The following TTN variants were observed in gnomAD, a reference collection of about 807,000 sequenced individuals.
TTN encodes connectin.
In TTN, 1,525 loss-of-function variants were observed where a neutral mutation model predicts 3,223.0. The ratio of observed to expected loss-of-function variants is 0.47; its 90% CI spans 0.45 to 0.49. TTN has a LOEUF of 0.49. Among genes scored for constraint, TTN ranks in the 20% least tolerant of loss-of-function variants. The pLI is 0.00. For missense variants in TTN, 40,786 were observed against 43,424.0 expected (o/e 0.94, Z 5.40); for synonymous variants, 14,094 against 15,161.0 (o/e 0.93, Z 5.17).
chr2:178,548,707 A>G lies in TTN; in HGVS notation c.92919T>C (p.His30973=), dbSNP rs765351582. 1.9e-6 allele frequency: 3 copies of G among 1,613,858 alleles called. No individual in the cohort carries two copies. Among genetic ancestry groups the G allele is most frequent in the Non-Finnish European group, 8.5e-7 (1 of 1,179,804 alleles). ...TGAGGGTGCTGAAGGAATCTGTTGT[A>G]TGGATATCAGCCCGAAGGCTAAGGT... ...DSNLSLRADI[H]TTDSFSTLTV... Residue 30973 remains histidine, a synonymous_variant, in exon 339 of 363, where the codon CAT becomes CAC. Transcript: ENST00000589042. The surrounding 1 kb of genome is among the most constrained non-coding windows in gnomAD (Gnocchi z 4.3).
chr2:178,634,342 C>G lies in TTN; in HGVS notation c.42415+24G>C. On this transcript the variant is annotated intron_variant, in intron 230 of 362. Transcript: ENST00000589042. The surrounding 1 kb of genome is among the most constrained non-coding windows in gnomAD (Gnocchi z 4.6). ...ATATTTGCATGCCTTTATGGGATGTCACAGATCTCATTAGCTCGCTTACCT... is the reference window on the plus strand; with the variant it reads ...ATATTTGCATGCCTTTATGGGATGTGACAGATCTCATTAGCTCGCTTACCT... 1 of 1,588,170 alleles carries G rather than the reference C, an allele frequency of 6.3e-7. No homozygotes were observed. Among genetic ancestry groups the G allele is most frequent in the Non-Finnish European group, 8.5e-7 (1 of 1,173,818 alleles).
Position 178,553,591 on chromosome 2 carries a change from T to C in TTN, c.89414A>G (p.Asn29805Ser), listed in dbSNP as rs369285180. 1.0e-4 allele frequency: 168 copies of C among 1,613,800 alleles called. No homozygotes were observed. The highest frequency in any genetic ancestry group is 1.4e-4 in the Non-Finnish European group (164 of 1,179,818). ...YVVSNLKPGV[N>S]YYFRVSAVNC... ...TACAGCAGATACCCGGAAGTAGTAA[T>C]TGACTCCAGGTTTCAGGTTGGATAC... Residue 29805 changes from asparagine (N) to serine (S), a missense_variant, in exon 334 of 363, where the codon AAT becomes AGT. Physicochemically the swap from Asn to Ser is conservative, Grantham distance 46 (BLOSUM62 1). Transcript: ENST00000589042.
Position 178,734,353 on chromosome 2 carries a change from G to T in TTN, c.15471C>A (p.Gly5157=). ...CTTTGAGTAAGTGGGTTGCCATGCA[G>T]CCACACTTGCCGACTTCATTAGCAA... ...CVVANEVGKC[G]CMATHLLKEP... is the part of the protein sequence containing the mutation. Residue 5157 remains glycine, a synonymous_variant, in exon 52 of 363, where the codon GGC becomes GGA. Coordinates refer to ENST00000589042, the MANE Select transcript of TTN (RefSeq NM_001267550.2). 1 of 1,603,162 alleles carries T rather than the reference G, an allele frequency of 6.2e-7. No individual in the cohort carries two copies.
Position 178,705,218 on chromosome 2 carries a change from A to G in TTN, c.29560T>C (p.Phe9854Leu). 1 of 1,613,788 alleles carries G rather than the reference A, an allele frequency of 6.2e-7. No homozygotes were observed. The highest frequency in any genetic ancestry group is 8.5e-7 in the Non-Finnish European group (1 of 1,179,748). ...TCTTGGCTTTGCTTGAGCAGTTCAAATGCTTGAAGAAGACCTCGGAAGTCA... is the reference window on the plus strand; with the variant it reads ...TCTTGGCTTTGCTTGAGCAGTTCAAGTGCTTGAAGAAGACCTCGGAAGTCA... ...ITDFRGLLQA[F>L]ELLKQSQEEE... Residue 9854 changes from phenylalanine (F) to leucine (L), a missense_variant, in exon 103 of 363, where the codon TTT (phenylalanine) becomes CTT (leucine). Transcript: ENST00000589042.
In TTN at chr2:178,618,315, C is replaced by T. The variant is rs764958886; in HGVS notation, c.47143G>A (p.Glu15715Lys). The stretch of plus-strand genomic sequence containing the variant: ...TTCTGTAGACCAGTGACAGTAAACT[C>T]ACAACTCTCTGCACGGTCTGTGGCC... ...VLATDRAESC[E>K]FTVTGLQKGG... The change falls in exon 252 of 363, where the codon GAG becomes AAG. Residue 15715 changes from glutamate to lysine, a missense_variant. Coordinates refer to ENST00000589042, the MANE Select transcript of TTN (RefSeq NM_001267550.2). The T allele has an allele frequency of 2.5e-6, 4 of 1,612,530 alleles. No individual in the cohort carries two copies. Among genetic ancestry groups the T allele is most frequent in the Middle Eastern group, 3.3e-4 (2 of 6,072 alleles).
At position 178,599,152 on chromosome 2, in the gene TTN, G is replaced by T; in HGVS notation, c.56641C>A (p.Leu18881Ile). The T allele has an allele frequency of 6.6e-7, 1 of 1,505,880 alleles. No individual in the cohort carries two copies. Among genetic ancestry groups the T allele is most frequent in the Non-Finnish European group, 8.8e-7 (1 of 1,131,080 alleles). 93.3% of individuals were successfully genotyped at this position (1,505,880 alleles called of 1,614,324 possible). A position where few individuals can be genotyped will look rare whatever the true frequency, so the allele number is the denominator to read the frequency against. Residue 18881 changes from leucine to isoleucine, a missense_variant, in exon 290 of 363, where the codon CTC becomes ATC. Leu to Ile is a conservative substitution (Grantham distance 5). Coordinates refer to ENST00000589042, the MANE Select transcript of TTN (RefSeq NM_001267550.2). ...LDSEPETARN[L>I]FSVPGAPDKP... is the part of the protein sequence containing the mutation. ...AAAATGTTCTCCTACTTACAGAAGA[G>T]GTTTCTTGCTGTTTCAGGTTCACTG...
chr2:178,583,927 C>T (rs1449566126), intron 311 of TTN, 21 bp from the exon 312 acceptor site: 1 of 1,516,024 alleles, frequency 6.6e-7, no homozygotes, highest in Non-Finnish European at 8.9e-7. Flanking sequence ...AAGAGGTACA[C>T]TCACCATTTA....
In TTN at chr2:178,583,764, C is replaced by T. The variant is rs1428029274; in HGVS notation, c.65418G>A (p.Arg21806=). ...ACKLPGDKWV[R]CNTAPHQIPQ... ...GAATCTGGTGAGGTGCAGTATTGCA[C>T]CGTACCCATTTATCACCAGGAAGTT... The change falls in exon 312 of 363, where the codon CGG becomes CGA. Residue 21806 remains arginine (R), a synonymous_variant. Coordinates refer to ENST00000589042, the MANE Select transcript of TTN (RefSeq NM_001267550.2). 1.8e-5 allele frequency: 29 copies of T among 1,611,564 alleles called. No individual in the cohort carries two copies. The highest frequency in any genetic ancestry group is 2.4e-5 in the Non-Finnish European group (28 of 1,178,824).
chr2:178,748,312 ATT>A, intron 47 of TTN: 1 of 1,612,822 alleles, frequency 6.2e-7, no homozygotes, highest in South Asian at 1.1e-5. Flanking sequence ...AAGAAATGGA[ATT>A]TTCATCAATA....
Position 178,634,242 on chromosome 2 carries a change from T to A in TTN, c.42415+124A>T. 1 of 1,485,334 alleles carries A rather than the reference T, an allele frequency of 6.7e-7. No individual in the cohort carries two copies. Among genetic ancestry groups the A allele is most frequent in the African/African-American group, 1.4e-5 (1 of 70,618 alleles). 92.0% of individuals were successfully genotyped at this position (1,485,334 alleles called of 1,614,324 possible). The stretch of plus-strand genomic sequence containing the variant: ...AAAAACAAATTAAGGGGGGTTGTTT[T>A]GGTAACACTGTGAAAGTTAATTAGT... On this transcript the variant is annotated intron_variant, in intron 230 of 362. Transcript: ENST00000589042. The surrounding 1 kb of genome is among the most constrained non-coding windows in gnomAD (Gnocchi z 4.6).
chr2:178,538,640 C>T lies in TTN; in HGVS notation c.99189G>A (p.Leu33063=), dbSNP rs1412611892. 6.2e-7 allele frequency: 1 copy of T among 1,613,610 alleles called. No homozygotes were observed. The highest frequency in any genetic ancestry group is 1.3e-5 in the African/African-American group (1 of 74,916). ...IKDKQFTIGG[L]LEATEYEFRV... Reference sequence around the variant, plus strand: ...TGAATTCATACTCAGTAGCTTCCAGCAAACCTCCTATTGTGAATTGCTTGT... The same window carrying T: ...TGAATTCATACTCAGTAGCTTCCAGTAAACCTCCTATTGTGAATTGCTTGT... Residue 33063 remains leucine (L), a synonymous_variant, in exon 354 of 363, where the codon TTG becomes TTA. Coordinates refer to ENST00000589042, the MANE Select transcript of TTN (RefSeq NM_001267550.2).
Position 178,584,562 on chromosome 2 carries a change from T to C in TTN, c.64989A>G (p.Pro21663=). The C allele has an allele frequency of 6.2e-7, 1 of 1,612,270 alleles. No individual in the cohort carries two copies. The highest frequency in any genetic ancestry group is 8.5e-7 in the Non-Finnish European group (1 of 1,178,820). ...AQFPFGVPSE[P]KNARVTKVNK... ...TGACTTTGGTGACTCGTGCATTCTT[T>C]GGTTCACTAGGAACACCTGGAGATG... The change falls in exon 311 of 363, where the codon CCA becomes CCG. Residue 21663 remains proline (P), a synonymous_variant. Transcript: ENST00000589042.
Position 178,740,449 on chromosome 2 carries a change from T to C in TTN, c.12784A>G (p.Ile4262Val), listed in dbSNP as rs1306126091. ...LQKQEAQSALILSQSLAEGHV... is the reference protein window; with the variant it reads ...LQKQEAQSALVLSQSLAEGHV... ...CCCTCAGCTAAGCTCTGACTCAAGA[T>C]GAGCGCACTTTGTGCCTCTTGCTTT... Residue 4262 changes from isoleucine (I) to valine (V), a missense_variant, in exon 48 of 363, where the codon ATC becomes GTC. Coordinates refer to ENST00000589042, the MANE Select transcript of TTN (RefSeq NM_001267550.2). 2 of 1,613,504 alleles carry C rather than the reference T, an allele frequency of 1.2e-6. No individual in the cohort carries two copies. Among genetic ancestry groups the C allele is most frequent in the Non-Finnish European group, 1.7e-6 (2 of 1,179,738 alleles).
Position 178,705,201 on chromosome 2 carries a change from T to C in TTN, c.29577A>G (p.Gln9859=), listed in dbSNP as rs368780181. Reference sequence around the variant, plus strand: ...GTCTATGTGTCTCTTCTTCTTGGCTTTGCTTGAGCAGTTCAAATGCTTGAA... The same window carrying C: ...GTCTATGTGTCTCTTCTTCTTGGCTCTGCTTGAGCAGTTCAAATGCTTGAA... ...GLLQAFELLK[Q]SQEEETHRLE... Residue 9859 remains glutamine (Q), a synonymous_variant, in exon 103 of 363, where the codon CAA becomes CAG. Transcript: ENST00000589042. 85 of 1,613,390 alleles carry C rather than the reference T, an allele frequency of 5.3e-5. No homozygotes were observed. Among genetic ancestry groups the C allele is most frequent in the African/African-American group, 6.7e-5 (5 of 74,916 alleles).
At position 178,613,945 on chromosome 2, in the gene TTN, C is replaced by T; in HGVS notation, c.49346-8G>A. 3 of 1,607,392 alleles carry T rather than the reference C, an allele frequency of 1.9e-6. No individual in the cohort carries two copies. Among genetic ancestry groups the T allele is most frequent in the East Asian group, 2.2e-5 (1 of 44,658 alleles). On this transcript the variant is annotated splice_polypyrimidine_tract_variant and splice_region_variant and intron_variant, in intron 262 of 362. Coordinates refer to ENST00000589042, the MANE Select transcript of TTN (RefSeq NM_001267550.2). ...TTGGAGGACCAGGTGGATCTATAGA[C>T]AGGATAATGGTGTAAAATGTTATAT... is the stretch of plus-strand genomic sequence containing the variant.
rs376839162 is a variant in TTN at position 178,619,833 on chromosome 2, G to T, written c.46484C>A (p.Ala15495Asp). The change falls in exon 250 of 363, where the codon GCT becomes GAT. Residue 15495 changes from alanine to aspartate, a missense_variant. Transcript: ENST00000589042. ...GAGTTCTGCTAAAAAGACAACATCA[G>T]CACCAGGGGCTTCAAGAATATCTTG... is the stretch of plus-strand genomic sequence containing the variant. ...PPQDILEAPG[A>D]DVVFLAELNK... 1.9e-6 allele frequency: 3 copies of T among 1,612,022 alleles called. No individual in the cohort carries two copies. The highest frequency in any genetic ancestry group is 2.5e-6 in the Non-Finnish European group (3 of 1,178,892).
At chr2:178,679,289 T>C in intron 142 of TTN, 50 bp downstream of exon 142, 1 of 1,585,412 alleles carries the variant, frequency 6.3e-7, no homozygotes, top group Non-Finnish European at 8.7e-7. Context: ...CAAGTTATGC[T>C]GCATGGGTGA....
chr2:178,641,207 A>G, intron 220 of TTN, 34 bp downstream of exon 220: 1 of 1,378,104 alleles, frequency 7.3e-7, no homozygotes, highest in Non-Finnish European at 9.9e-7. Flanking sequence ...TTTTGTTAAA[A>G]GATAATCTTA....
chr2:178,679,215 G>A (rs1577314189), intron 142 of TTN, 124 bp downstream of exon 142: 1 of 991,090 alleles, frequency 1.0e-6, no homozygotes, highest in East Asian at 2.5e-5. Context: ...GGCCAGTTGA[G>A]AGGCGCTTGT....
Sources: gnomAD v4.1 joint callset for allele counts on GRCh38, gnomAD v4.1.1 for gene constraint, Gnocchi (gnomAD v3.1) non-coding constraint, MANE v1.5 for transcripts, NCBI Gene and HGNC (gene_info 2026-07-23, HGNC 2026-07-21) for gene names.